Variants in CALD1 observed in about 807,000 individuals in gnomAD.
The protein encoded by CALD1 is caldesmon 1.
In CALD1, 33 loss-of-function variants were observed where a neutral mutation model predicts 99.9. That is an observed-to-expected ratio of 0.33 (90% CI 0.25 to 0.44). The LOEUF (loss-of-function observed/expected upper bound fraction) is 0.44. Ranked by LOEUF, CALD1 falls within the 20% of genes least tolerant of loss-of-function variation. The pLI, the probability that CALD1 is intolerant of heterozygous loss-of-function variation, is 1.00. For synonymous variants in CALD1, 310 were observed against 325.0 expected (o/e 0.95, Z 0.50); for missense variants, 861 against 962.1 (o/e 0.89, Z 1.39).
At chr7:134,968,305 C>G in intron 14 of CALD1, 35 bp from the exon 15 acceptor site, 1 of 1,610,502 alleles carries the variant, frequency 6.2e-7, no homozygotes, top group Admixed American at 1.7e-5. Flanking sequence ...TTTCACACTA[C>G]AGGCTGTCAA....
At chr7:134,729,896 C>T in the CALD1 span, among the ~76,000 whole-genome samples, 1 of 152,122 alleles carries the variant, frequency 6.6e-6, no homozygotes, top group Non-Finnish European at 1.5e-5. Flanking sequence ...CTGCTGGGGT[C>T]AAATCTAGAC....
intron 1 of CALD1, among the ~76,000 whole-genome samples, chr7:134,821,820 A>G (rs1798796006): frequency 6.6e-6 from 1 of 152,002 alleles, no homozygotes; most frequent in Admixed American, 6.6e-5. Flanking sequence ...TGAACTCGTG[A>G]TCTGCCCACC....
At chr7:134,880,572 C>T (rs1801551272) in intron 3 of CALD1, among the ~76,000 whole-genome samples, 1 of 152,128 alleles carries the variant, frequency 6.6e-6, no homozygotes, top group Non-Finnish European at 1.5e-5. Flanking sequence ...CCACTTCTTC[C>T]TTGAACAATT....
chr7:134,771,950 CATT>C (rs2131632318), intron 1 of CALD1, among the ~76,000 whole-genome samples: 1 of 152,114 alleles, frequency 6.6e-6, no homozygotes, highest in Admixed American at 6.6e-5. Context: ...CACTGCCTGA[CATT>C]ATATATTCAT....
Position 134,933,352 on chromosome 7 carries a change from G to A in CALD1, c.583G>A (p.Glu195Lys), listed in dbSNP as rs1805685052. Residue 195 changes from glutamate (E) to lysine (K), a missense_variant, in exon 5 of 15, where the codon GAG becomes AAG. This residue lies in a region of CALD1 where 234 missense variants were observed against 233.1 expected (regional missense o/e 1.00). Coordinates refer to ENST00000361675, the MANE Select transcript of CALD1 (RefSeq NM_033138.4). ...AGACAAGGAAAAGGAGGAGGAGGAA[G>A]AGGAGAAGCCAAAGCGAGGGAGCAT... ...KEDKEKEEEE[E>K]EKPKRGSIGE... 15 of 1,604,790 alleles carry A rather than the reference G, an allele frequency of 9.3e-6. No homozygotes were observed. In the South Asian group the frequency reaches 1.0e-4, roughly 11 times the overall value.
chr7:134,932,994 T>A lies in CALD1; in HGVS notation c.225T>A (p.Pro75=). ...QVEVNAQNSV[P]DEEAKTTTTN... is the part of the protein sequence containing the mutation. ...TGTTCTTTCTGTTGTACAGTGTGCC[T>A]GACGAGGAGGCCAAGACAACCACCA... Residue 75 remains proline, a synonymous_variant, in exon 5 of 15, where the codon CCT becomes CCA. Coordinates refer to ENST00000361675, the MANE Select transcript of CALD1 (RefSeq NM_033138.4). The A allele has an allele frequency of 6.2e-7, 1 of 1,605,046 alleles. No homozygotes were observed.
chr7:134,904,931 GAGAT>G (rs976984505), intron 3 of CALD1, among the ~76,000 whole-genome samples: 11 of 152,098 alleles, frequency 7.2e-5, no homozygotes, highest in African/African-American at 1.9e-4. Context: ...GATTAAGAAA[GAGAT>G]AGAGAAAATA....
chr7:134,902,820 T>C (rs1454633439), intron 3 of CALD1, among the ~76,000 whole-genome samples: 1 of 152,184 alleles, frequency 6.6e-6, no homozygotes, highest in Non-Finnish European at 1.5e-5. Context: ...ATCCTTAAAC[T>C]GACTACTGTA....
chr7:134,937,775 C>T (rs1806105912), intron 6 of CALD1, among the ~76,000 whole-genome samples: 1 of 152,166 alleles, frequency 6.6e-6, no homozygotes, highest in African/African-American at 2.4e-5. Flanking sequence ...TTCCAGAAAT[C>T]ACTCCAATGT....
At position 134,800,383 on chromosome 7, in the gene CALD1, CATA is replaced by C. The variant is rs1361475034; in HGVS notation, c.-130+20637_-130+20639del. Among the ~76,000 whole-genome samples the C allele has an allele frequency of 3.9e-5, 6 of 152,152 alleles. No homozygotes were observed. In the East Asian group the frequency reaches 7.7e-4, roughly 20 times the overall value. Reference sequence around the variant, plus strand: ...TTCTCAGACAACTGTGCCAATCTCCCATAATGATTGTGGATCTATGACAGTCTT... The same window carrying C: ...TTCTCAGACAACTGTGCCAATCTCCCATGATTGTGGATCTATGACAGTCTT... On this transcript the variant is annotated intron_variant, in intron 1 of 14. Coordinates refer to ENST00000361675, the MANE Select transcript of CALD1 (RefSeq NM_033138.4).
At chr7:134,864,599 C>A (rs779942735) in intron 2 of CALD1, among the ~76,000 whole-genome samples, 1 of 151,966 alleles carries the variant, frequency 6.6e-6, no homozygotes, top group Non-Finnish European at 1.5e-5. Flanking sequence ...GGGGTTTCAC[C>A]GTGTTGGCCA....
intron 11 of CALD1, 70 bp downstream of exon 11, chr7:134,958,360 A>C: frequency 7.9e-7 from 1 of 1,262,680 alleles, no homozygotes. Flanking sequence ...AAGAGCATAA[A>C]AACACTTAGG....
intron 2 of CALD1, among the ~76,000 whole-genome samples, chr7:134,848,494 T>C (rs542038336): frequency 6.6e-6 from 1 of 152,308 alleles, no homozygotes; most frequent in South Asian, 2.1e-4. Flanking sequence ...AGAAGGCCAA[T>C]GTTAATAATG....
intron 2 of CALD1, among the ~76,000 whole-genome samples, chr7:134,848,509 C>A (rs1011723991): frequency 6.6e-6 from 1 of 152,128 alleles, no homozygotes; most frequent in Admixed American, 6.5e-5. Flanking sequence ...ATAATGAATC[C>A]TGTTCTTTAA....
chr7:134,939,294 T>C (rs114757310), intron 6 of CALD1, among the ~76,000 whole-genome samples: 2,191 of 152,276 alleles, frequency 0.014, 45 homozygotes, highest in African/African-American at 0.05. Context: ...AAGAGGGAAA[T>C]GACAGGATGA....
At chr7:134,826,735 A>G (rs1173329737) in intron 1 of CALD1, among the ~76,000 whole-genome samples, 28 of 152,180 alleles carry the variant, frequency 1.8e-4, no homozygotes. Context: ...TTCAGATCCA[A>G]ATAAAATAAT....
intron 1 of CALD1, among the ~76,000 whole-genome samples, chr7:134,828,096 C>T (rs1219719056): frequency 6.6e-6 from 1 of 152,186 alleles, no homozygotes; most frequent in African/African-American, 2.4e-5. Context: ...GACTCTGTGG[C>T]ACTTTTCTTA....
the CALD1 span, among the ~76,000 whole-genome samples, chr7:134,713,017 C>T: frequency 6.6e-6 from 1 of 152,128 alleles, no homozygotes; most frequent in Non-Finnish European, 1.5e-5. Flanking sequence ...TATATATAAC[C>T]TGGGAGAAGG....
chr7:134,950,299 C>T (rs1807235641), intron 8 of CALD1, 75 bp from the exon 9 acceptor site: 1 of 1,458,194 alleles, frequency 6.9e-7, no homozygotes. Context: ...CAACTGTGCT[C>T]TCTCTCCTAC....
Sources: gnomAD v4.1 joint callset for allele counts (sites outside exome capture counted in the v4.1 genomes callset) on GRCh38, gnomAD v4.1.1 for gene constraint, gnomAD v4.1.1 regional missense constraint, MANE v1.5 for transcripts, NCBI Gene and HGNC (gene_info 2026-07-23, HGNC 2026-07-21) for gene names.